KCNMB2: variants seen among roughly 807,000 people sequenced by gnomAD.
The protein encoded by KCNMB2 is calcium-activated potassium channel subunit beta-2.
Under a neutral mutation model 24.5 loss-of-function variants are expected in KCNMB2, and 9 were observed. The ratio of observed to expected loss-of-function variants is 0.37; its 90% CI spans 0.22 to 0.64. KCNMB2 has a LOEUF of 0.64. Ranked by LOEUF, KCNMB2 falls within the 30% of genes least tolerant of loss-of-function variation. The probability of loss-of-function intolerance (pLI) is 0.63; values close to 1 mark genes in which losing one functional copy is unlikely to be tolerated. For synonymous variants in KCNMB2, 109 were observed against 104.4 expected (o/e 1.04, Z -0.27); for missense variants, 226 against 284.3 (o/e 0.79, Z 1.47).
intron 1 of KCNMB2, among the ~76,000 whole-genome samples, chr3:178,649,348 G>C (rs1461212039): frequency 6.6e-6 from 1 of 152,050 alleles, no homozygotes; most frequent in Non-Finnish European, 1.5e-5. Flanking sequence ...TTCTTGTTTA[G>C]AAGTTATTTC....
At chr3:178,744,175 T>A (rs1723585918) in intron 1 of KCNMB2, among the ~76,000 whole-genome samples, 1 of 152,256 alleles carries the variant, frequency 6.6e-6, no homozygotes, top group South Asian at 2.1e-4. Flanking sequence ...TCATGTTAAA[T>A]GAAGCCATAA....
intron 1 of KCNMB2, among the ~76,000 whole-genome samples, chr3:178,736,248 T>C (rs1723312991): frequency 6.6e-6 from 1 of 152,236 alleles, no homozygotes; most frequent in African/African-American, 2.4e-5. Flanking sequence ...ATCTATGTCA[T>C]GCTGCTTATG....
intron 1 of KCNMB2, among the ~76,000 whole-genome samples, chr3:178,805,049 T>C (rs1055975974): frequency 2.6e-5 from 4 of 152,228 alleles, no homozygotes; most frequent in Non-Finnish European, 4.4e-5. Flanking sequence ...TTTAAAGAGA[T>C]AGCAGATTTA....
intron 1 of KCNMB2, among the ~76,000 whole-genome samples, chr3:178,567,407 T>C (rs1451303361): frequency 2.0e-5 from 3 of 152,134 alleles, no homozygotes; most frequent in East Asian, 3.8e-4. Context: ...ATACAACTAG[T>C]GGCTTAGAGA....
chr3:178,571,401 A>G (rs2108477276), intron 1 of KCNMB2, among the ~76,000 whole-genome samples: 1 of 145,688 alleles, frequency 6.9e-6, no homozygotes, highest in South Asian at 2.2e-4. Flanking sequence ...AATAGAAGGA[A>G]TATTTGTAGG....
chr3:178,779,980 A>G (rs1417437707), intron 1 of KCNMB2, among the ~76,000 whole-genome samples: 1 of 151,274 alleles, frequency 6.6e-6, no homozygotes, highest in South Asian at 2.1e-4. Context: ...TTCTTTTCCT[A>G]TACTTACCAG....
chr3:178,582,016 T>C (rs1309717486), intron 1 of KCNMB2, among the ~76,000 whole-genome samples: 1 of 152,202 alleles, frequency 6.6e-6, no homozygotes, highest in Non-Finnish European at 1.5e-5. Context: ...ACTGGGTATA[T>C]ATCCAAAGGA....
intron 1 of KCNMB2, among the ~76,000 whole-genome samples, chr3:178,619,965 T>C (rs1317242780): frequency 1.3e-5 from 2 of 152,208 alleles, no homozygotes; most frequent in African/African-American, 4.8e-5. Context: ...GGAACAATGA[T>C]TATTACTTAC....
intron 1 of KCNMB2, among the ~76,000 whole-genome samples, chr3:178,644,766 C>A (rs1473687699): frequency 6.6e-6 from 1 of 152,208 alleles, no homozygotes; most frequent in Non-Finnish European, 1.5e-5. Flanking sequence ...AAATAGCGAA[C>A]TTGGAGTCAC....
chr3:178,664,088 T>C (rs888188607), intron 1 of KCNMB2, among the ~76,000 whole-genome samples: 1 of 152,144 alleles, frequency 6.6e-6, no homozygotes, highest in Non-Finnish European at 1.5e-5. Flanking sequence ...TCCGTTTACA[T>C]AGCACTTTTA....
chr3:178,696,611 T>C (rs1022003968), intron 1 of KCNMB2, among the ~76,000 whole-genome samples: 3 of 152,228 alleles, frequency 2.0e-5, no homozygotes, highest in Non-Finnish European at 4.4e-5. Flanking sequence ...AGTTCAGTTC[T>C]GATTTTTGTT....
chr3:178,809,772 A>G (rs1053234254), intron 2 of KCNMB2, among the ~76,000 whole-genome samples: 24 of 152,258 alleles, frequency 1.6e-4, no homozygotes, highest in Admixed American at 1.2e-3. Flanking sequence ...CATCAGTAAG[A>G]TTCTATGAAA....
chr3:178,835,936 T>C (rs898886334), intron 4 of KCNMB2, among the ~76,000 whole-genome samples: 3 of 152,194 alleles, frequency 2.0e-5, no homozygotes, highest in Non-Finnish European at 4.4e-5. Flanking sequence ...TATAACATGC[T>C]ACATGGTATA....
chr3:178,591,305 T>C (rs575610888), intron 1 of KCNMB2, among the ~76,000 whole-genome samples: 21 of 152,224 alleles, frequency 1.4e-4, no homozygotes, highest in Non-Finnish European at 2.8e-4. Flanking sequence ...AGCTGACTGT[T>C]TCACATTCCT....
chr3:178,578,658 G>A (rs941933110), intron 1 of KCNMB2, among the ~76,000 whole-genome samples: 2 of 152,100 alleles, frequency 1.3e-5, no homozygotes, highest in African/African-American at 4.8e-5. Context: ...ACACACAAAG[G>A]CTCAAAATAA....
intron 2 of KCNMB2, among the ~76,000 whole-genome samples, chr3:178,816,676 T>C (rs1714414383): frequency 6.6e-6 from 1 of 152,118 alleles, no homozygotes; most frequent in Non-Finnish European, 1.5e-5. Context: ...TTCTAGAGTG[T>C]TTTTCATATC....
At chr3:178,759,800 AAGAGGATATAT>A (rs1711667252) in intron 1 of KCNMB2, among the ~76,000 whole-genome samples, 1 of 28,766 alleles carries the variant, frequency 3.5e-5, no homozygotes, top group African/African-American at 1.8e-4. Flanking sequence ...ATATATATCC[AAGAGGATATAT>A]CTATATATAT....
intron 1 of KCNMB2, among the ~76,000 whole-genome samples, chr3:178,695,199 T>G (rs1045963759): frequency 1.1e-4 from 17 of 152,244 alleles, no homozygotes. Context: ...CTTTTAGCCA[T>G]GGCTGGAGCA....
chr3:178,810,902 C>CTTTTTTTTTTTT (rs56925343), intron 2 of KCNMB2, among the ~76,000 whole-genome samples: 4 of 107,988 alleles, frequency 3.7e-5, no homozygotes, highest in Non-Finnish European at 7.2e-5. Context: ...ACCTGGCTAA[C>CTTTTTTTTTTTT]TTTTTTTTTT....
Sources: allele counts gnomAD v4.1 joint callset (sites outside exome capture counted in the v4.1 genomes callset), GRCh38; gene constraint gnomAD v4.1.1; transcripts MANE v1.5; gene names NCBI Gene and HGNC (gene_info 2026-07-23, HGNC 2026-07-21).